OSM: variants seen among roughly 807,000 people sequenced by gnomAD.
OSM encodes oncostatin M.
In OSM, 1 loss-of-function variant was observed where a neutral mutation model predicts 6.3. The observed-to-expected ratio is 0.16, with a 90% CI of 0.06 to 0.76. The LOEUF (loss-of-function observed/expected upper bound fraction) is 0.76. Ranked by LOEUF, OSM falls within the 30% of genes least tolerant of loss-of-function variation. OSM has a pLI of 0.77. For synonymous variants in OSM, 135 were observed against 143.4 expected, an observed-to-expected ratio of 0.94 and a Z score of 0.42; for missense variants, 324 against 336.9, an observed-to-expected ratio of 0.96 and a Z score of 0.30.
In OSM at chr22:30,263,832, C is replaced by T; in HGVS notation, c.*51G>A. 1 of 1,400,190 alleles carries T rather than the reference C, an allele frequency of 7.1e-7. No individual in the cohort carries two copies. Among genetic ancestry groups the T allele is most frequent in the Non-Finnish European group, 9.5e-7 (1 of 1,049,678 alleles). The allele number at this position is 1,400,190 out of a possible 1,614,324, so 86.7% of individuals were successfully genotyped here. The stretch of plus-strand genomic sequence containing the variant: ...GCTGTCATCCTGCGATGGTTCCTCT[C>T]ATCCACAGAGCACCTGCCGCATCCT... On this transcript the variant is annotated 3_prime_UTR_variant, in exon 3 of 3. Transcript: ENST00000215781.
Position 30,263,868 on chromosome 22 carries a change from G to A in OSM, c.*15C>T, listed in dbSNP as rs770829679. ...CACCTGCCGCATCCTTCACCGGCAAGGGGTGCTCTCGAGGCTACCGGGGCA... is the reference window on the plus strand; with the variant it reads ...CACCTGCCGCATCCTTCACCGGCAAAGGGTGCTCTCGAGGCTACCGGGGCA... On this transcript the variant is annotated 3_prime_UTR_variant, in exon 3 of 3. Coordinates refer to ENST00000215781, the MANE Select transcript of OSM (RefSeq NM_020530.6). The A allele has an allele frequency of 3.4e-6, 5 of 1,487,820 alleles. No individual in the cohort carries two copies. Among genetic ancestry groups the A allele is most frequent in the East Asian group, 2.3e-5 (1 of 43,424 alleles). The allele number at this position is 1,487,820 out of a possible 1,614,324, so 92.2% of individuals were successfully genotyped here.
chr22:30,263,755 G>A lies in OSM; in HGVS notation c.*128C>T. Reference sequence around the variant, plus strand: ...GTCTGCCCAGCTCCCACCTCTTAAAGTGCACTTCTCAGTGGCTAGTAGCAG... The same window carrying A: ...GTCTGCCCAGCTCCCACCTCTTAAAATGCACTTCTCAGTGGCTAGTAGCAG... On this transcript the variant is annotated 3_prime_UTR_variant, in exon 3 of 3. Transcript: ENST00000215781. The A allele has an allele frequency of 1.5e-6, 1 of 682,610 alleles. No homozygotes were observed. Among genetic ancestry groups the A allele is most frequent in the Non-Finnish European group, 2.3e-6 (1 of 427,020 alleles). 42.3% of individuals were successfully genotyped at this position (682,610 alleles called of 1,614,324 possible). A position where few individuals can be genotyped will look rare whatever the true frequency, so the allele number is the denominator to read the frequency against.
Position 30,264,330 on chromosome 22 carries a change from G to A in OSM, c.312C>T (p.Gly104=). ...GFLQTLNATL[G]CVLHRLADLE... ...AGTCGGCCAGTCTGTGCAGGACGCA[G>A]CCCAGTGTGGCATTGAGGGTCTGCA... The change falls in exon 3 of 3, where the codon GGC becomes GGT. Residue 104 remains glycine (G), a synonymous_variant. Coordinates refer to ENST00000215781, the MANE Select transcript of OSM (RefSeq NM_020530.6). The A allele has an allele frequency of 6.2e-7, 1 of 1,613,964 alleles. No homozygotes were observed. The highest frequency in any genetic ancestry group is 8.5e-7 in the Non-Finnish European group (1 of 1,180,032).
intron 1 of OSM, chr22:30,265,498 G>C (rs1167544337): frequency 1.3e-6 from 1 of 784,078 alleles, no homozygotes; most frequent in Non-Finnish European, 1.6e-6. Flanking sequence ...CTCTCTGCAA[G>C]GTGGGACTGG....
rs749657665 is a variant in OSM at position 30,263,847 on chromosome 22, T to C, written c.*36A>G. On this transcript the variant is annotated 3_prime_UTR_variant, in exon 3 of 3. Transcript: ENST00000215781. ...TGGTTCCTCTCATCCACAGAGCACC[T>C]GCCGCATCCTTCACCGGCAAGGGGT... 1.4e-5 allele frequency: 21 copies of C among 1,455,402 alleles called. No individual in the cohort carries two copies. Among genetic ancestry groups the C allele is most frequent in the Middle Eastern group, 3.8e-4 (2 of 5,248 alleles). The allele number at this position is 1,455,402 out of a possible 1,614,324, so 90.2% of individuals were successfully genotyped here. A position where few individuals can be genotyped will look rare whatever the true frequency, so the allele number is the denominator to read the frequency against.
At position 30,264,104 on chromosome 22, in the gene OSM, G is replaced by A; in HGVS notation, c.538C>T (p.Pro180Ser). ...TTGCGCTGAAAAGCATCCGAGGCAG[G>A]GGTGGGGGTGGGCGGCTGAGAGGCC... ...RGASQPPTPTPASDAFQRKLE... is the reference protein window; with the variant it reads ...RGASQPPTPTSASDAFQRKLE... Residue 180 changes from proline to serine, a missense_variant, in exon 3 of 3, where the codon CCT (proline) becomes TCT (serine). Pro to Ser is a moderately conservative substitution (Grantham distance 74). Transcript: ENST00000215781. 1 of 1,610,612 alleles carries A rather than the reference G, an allele frequency of 6.2e-7. No individual in the cohort carries two copies. The highest frequency in any genetic ancestry group is 8.5e-7 in the Non-Finnish European group (1 of 1,177,622).
rs1204805554 is a variant in OSM, at chr22:30,266,658, C to T, written c.34+108G>A. On this transcript the variant is annotated intron_variant, in intron 1 of 2. Coordinates refer to ENST00000215781, the MANE Select transcript of OSM (RefSeq NM_020530.6). This position sits in a 1 kb window ranked among gnomAD's most constrained non-coding sequence, Gnocchi z 5.0. ...CCCTTCTCAGCATCCTTCTGCCTGG[C>T]GCCTGGCCTCCCCAGTTCCCGGAGG... is the stretch of plus-strand genomic sequence containing the variant. 2.0e-5 allele frequency: 25 copies of T among 1,255,376 alleles called. No homozygotes were observed. Among genetic ancestry groups the T allele is most frequent in the East Asian group, 4.7e-5 (2 of 42,146 alleles). 77.8% of individuals were successfully genotyped at this position (1,255,376 alleles called of 1,614,324 possible).
chr22:30,265,158 G>A lies in OSM; in HGVS notation c.35-14C>T, dbSNP rs200678317. The A allele has an allele frequency of 2.5e-6, 4 of 1,604,564 alleles. No individual in the cohort carries two copies. The highest frequency in any genetic ancestry group is 3.4e-6 in the Non-Finnish European group (4 of 1,172,400). ...CAAGGACCAGACCTAAGGCAGAGAA[G>A]AGGGGTGTCACCTGACTTGGTGAGG... On this transcript the variant is annotated splice_polypyrimidine_tract_variant and intron_variant, in intron 1 of 2. Coordinates refer to ENST00000215781, the MANE Select transcript of OSM (RefSeq NM_020530.6).
intron 1 of OSM, 57 bp from the exon 2 acceptor site, chr22:30,265,201 C>A: frequency 6.4e-7 from 1 of 1,574,704 alleles, no homozygotes; most frequent in Admixed American, 1.7e-5. Flanking sequence ...CAGATGGGAG[C>A]CTCGGGGAGG....
chr22:30,266,678 C>G lies in OSM; in HGVS notation c.34+88G>C. On this transcript the variant is annotated intron_variant, in intron 1 of 2. Coordinates refer to ENST00000215781, the MANE Select transcript of OSM (RefSeq NM_020530.6). The surrounding 1 kb of genome is among the most constrained non-coding windows in gnomAD (Gnocchi z 5.0). ...CCTGGCGCCTGGCCTCCCCAGTTCC[C>G]GGAGGGCAGAGGGTGCCTCTGCTCC... The G allele has an allele frequency of 6.7e-7, 1 of 1,482,892 alleles. No individual in the cohort carries two copies. Among genetic ancestry groups the G allele is most frequent in the Admixed American group, 1.8e-5 (1 of 56,384 alleles). The allele number at this position is 1,482,892 out of a possible 1,614,324, so 91.9% of individuals were successfully genotyped here.
At chr22:30,265,270 CG>C (rs1461518318) in intron 1 of OSM, 126 bp from the exon 2 acceptor site, 30 of 1,499,552 alleles carry the variant, frequency 2.0e-5, no homozygotes, top group Non-Finnish European at 2.5e-5. Flanking sequence ...TAGTGGAGGG[CG>C]GGGGCTGGGC....
rs1433524889 is a variant in OSM at position 30,263,440 on chromosome 22, C to T, written c.*443G>A. 6.1e-6 allele frequency: 1 copy of T among 164,668 alleles called. No individual in the cohort carries two copies. Among genetic ancestry groups the T allele is most frequent in the Non-Finnish European group, 1.3e-5 (1 of 76,966 alleles). 10.2% of individuals were successfully genotyped at this position (164,668 alleles called of 1,614,324 possible). ...GTGTCTGGTTTGGGACATGATGAGG[C>T]ATAGGAGGCCAGCTCAGGCTGTGAC... On this transcript the variant is annotated 3_prime_UTR_variant, in exon 3 of 3. Coordinates refer to ENST00000215781, the MANE Select transcript of OSM (RefSeq NM_020530.6).
chr22:30,263,949 C>A lies in OSM; in HGVS notation c.693G>T (p.Gly231=). ...TCCTGGAGGGTCTGGTCCTGCGCAC[C>A]CCCTTCCTCAGGGCCTGGTGGGGGC... ...RHSPHQALRK[G]VRRTRPSRKG... The change falls in exon 3 of 3, where the codon GGG becomes GGT. Residue 231 remains glycine (G), a synonymous_variant. Coordinates refer to ENST00000215781, the MANE Select transcript of OSM (RefSeq NM_020530.6). The A allele has an allele frequency of 1.3e-6, 2 of 1,523,770 alleles. No individual in the cohort carries two copies. The highest frequency in any genetic ancestry group is 1.8e-6 in the Non-Finnish European group (2 of 1,137,392). 94.4% of individuals were successfully genotyped at this position (1,523,770 alleles called of 1,614,324 possible). A position where few individuals can be genotyped will look rare whatever the true frequency, so the allele number is the denominator to read the frequency against.
At chr22:30,265,487 ACTCTCTGCAAGGTGGGACTGG>A in intron 1 of OSM, 2 of 902,310 alleles carry the variant, frequency 2.2e-6, no homozygotes, top group Non-Finnish European at 2.7e-6. Flanking sequence ...TCGGGAGCTG[ACTCTCTGCAAGGTGGGACTGG>A]CTCCCTGCAA....
chr22:30,264,136 C>A lies in OSM; in HGVS notation c.506G>T (p.Gly169Val). Reference protein sequence around the residue: ...NSDTAEPTKAGRGASQPPTPT... With the variant: ...NSDTAEPTKAVRGASQPPTPT... Reference sequence around the variant, plus strand: ...GGTGGGCGGCTGAGAGGCCCCCCGGCCAGCCTTCGTGGGCTCAGCCGTGTC... The same window carrying A: ...GGTGGGCGGCTGAGAGGCCCCCCGGACAGCCTTCGTGGGCTCAGCCGTGTC... Residue 169 changes from glycine to valine, a missense_variant, in exon 3 of 3, where the codon GGC (glycine) becomes GTC (valine). Gly to Val is a moderately radical substitution (Grantham distance 109, BLOSUM62 -3). Coordinates refer to ENST00000215781, the MANE Select transcript of OSM (RefSeq NM_020530.6). The A allele has an allele frequency of 6.2e-7, 1 of 1,612,550 alleles. No homozygotes were observed. The highest frequency in any genetic ancestry group is 8.5e-7 in the Non-Finnish European group (1 of 1,179,080).
chr22:30,265,209 A>AG (rs1306816999), intron 1 of OSM, 65 bp from the exon 2 acceptor site: 6 of 1,566,658 alleles, frequency 3.8e-6, no homozygotes, highest in Admixed American at 1.8e-5. Context: ...AGCCTCGGGG[A>AG]GGGGGTTCAA....
In OSM at chr22:30,263,254, G is replaced by A. The variant is rs1410005575; in HGVS notation, c.*629C>T. 6.5e-6 allele frequency: 1 copy of A among 152,826 alleles called. No homozygotes were observed. The highest frequency in any genetic ancestry group is 1.5e-5 in the Non-Finnish European group (1 of 68,070). The allele number at this position is 152,826 out of a possible 1,614,324, so 9.5% of individuals were successfully genotyped here. A position where few individuals can be genotyped will look rare whatever the true frequency, so the allele number is the denominator to read the frequency against. The stretch of plus-strand genomic sequence containing the variant: ...CTCTAACTCCCTAGCTTCACAAAGA[G>A]AAAACAGGTCCACAGAGGTAAAGTG... On this transcript the variant is annotated 3_prime_UTR_variant, in exon 3 of 3. Transcript: ENST00000215781.
At position 30,264,170 on chromosome 22, in the gene OSM, C is replaced by T. The variant is rs747938613; in HGVS notation, c.472G>A (p.Asp158Asn). The T allele has an allele frequency of 6.2e-7, 1 of 1,613,852 alleles. No individual in the cohort carries two copies. Among genetic ancestry groups the T allele is most frequent in the South Asian group, 1.1e-5 (1 of 91,090 alleles). The change falls in exon 3 of 3, where the codon GAC (aspartate) becomes AAC (asparagine). Residue 158 changes from aspartate (D) to asparagine (N), a missense_variant. By Grantham distance (23) the Asp-to-Asn change is conservative (BLOSUM62 1). Transcript: ENST00000215781. The part of the protein sequence containing the change: ...NNIYCMAQLL[D>N]NSDTAEPTKA... ...GTGGGCTCAGCCGTGTCTGAGTTGTCCAGCAGCTGGGCCATGCAGTAGATG... is the reference window on the plus strand; with the variant it reads ...GTGGGCTCAGCCGTGTCTGAGTTGTTCAGCAGCTGGGCCATGCAGTAGATG...
Position 30,266,353 on chromosome 22 carries a change from T to C in OSM, c.34+413A>G, listed in dbSNP as rs1264493962. Among the ~76,000 whole-genome samples the C allele has an allele frequency of 1.3e-5, 2 of 151,996 alleles. No homozygotes were observed. Among genetic ancestry groups the C allele is most frequent in the Non-Finnish European group, 2.9e-5 (2 of 67,940 alleles). ...GCATGCTGTGTGATTGTGTGGGCCC[T>C]GGGGCCCCCAGGCCTGGCTGACTTT... On this transcript the variant is annotated intron_variant, in intron 1 of 2. Transcript: ENST00000215781. This position sits in a 1 kb window ranked among gnomAD's most constrained non-coding sequence, Gnocchi z 5.0.
Sources: allele counts gnomAD v4.1 joint callset (sites outside exome capture counted in the v4.1 genomes callset), GRCh38; gene constraint gnomAD v4.1.1; non-coding constraint Gnocchi (gnomAD v3.1); transcripts MANE v1.5; gene names NCBI Gene and HGNC (gene_info 2026-07-23, HGNC 2026-07-21).